The following PIP4P2 variants were observed in gnomAD, a reference collection of about 807,000 sequenced individuals.
The protein encoded by PIP4P2 is type 2 phosphatidylinositol 4,5-bisphosphate 4-phosphatase.
PIP4P2 carries 19 observed loss-of-function variants against 33.3 expected under a neutral mutation model. That is an observed-to-expected ratio of 0.57 (90% CI 0.40 to 0.84). PIP4P2 has a LOEUF of 0.84. PIP4P2 is among the 40% of genes least tolerant of loss of function. The probability of loss-of-function intolerance (pLI) is 0.00; values close to 1 mark genes in which losing one functional copy is unlikely to be tolerated. For synonymous variants in PIP4P2, 110 were observed against 111.9 expected (o/e 0.98, Z 0.11); for missense variants, 270 against 324.7 (o/e 0.83, Z 1.29).
intron 1 of PIP4P2, among the ~76,000 whole-genome samples, chr8:91,030,887 T>C (rs756496514): frequency 3.0e-4 from 45 of 152,220 alleles, no homozygotes; most frequent in Non-Finnish European, 5.1e-4. Flanking sequence ...ATTCTATGGA[T>C]ATGACATGGC....
chr8:91,027,766 T>G (rs1429279999), intron 1 of PIP4P2, among the ~76,000 whole-genome samples: 2 of 152,160 alleles, frequency 1.3e-5, no homozygotes, highest in East Asian at 3.9e-4. Context: ...TGCTAGAATA[T>G]CCCTAGAATA....
At chr8:91,023,431 A>C (rs138495192) in intron 1 of PIP4P2, among the ~76,000 whole-genome samples, 129 of 151,814 alleles carry the variant, frequency 8.5e-4, no homozygotes, top group African/African-American at 2.9e-3. Flanking sequence ...CAACCCATAC[A>C]CTCCTCAGCT....
intron 4 of PIP4P2, among the ~76,000 whole-genome samples, chr8:91,009,968 T>C (rs1811810564): frequency 6.6e-6 from 1 of 151,922 alleles, no homozygotes; most frequent in Non-Finnish European, 1.5e-5. Flanking sequence ...AAAATGATTA[T>C]TTTTAAACAT....
chr8:91,012,224 T>C lies in PIP4P2; in HGVS notation c.487-3429A>G, dbSNP rs897208717. ...TATGCATGACTTCAGGTTGTTTTTTTCTGCCCTAATTATTATTTTTCCTGA... is the reference window on the plus strand; with the variant it reads ...TATGCATGACTTCAGGTTGTTTTTTCCTGCCCTAATTATTATTTTTCCTGA... On this transcript the variant is annotated intron_variant, in intron 4 of 6. Coordinates refer to ENST00000285419, the MANE Select transcript of PIP4P2 (RefSeq NM_018710.3). Among the ~76,000 whole-genome samples the C allele has an allele frequency of 1.4e-4, 22 of 152,174 alleles. 2 individuals carry two copies. The highest frequency in any genetic ancestry group is 1.4e-3 in the Admixed American group (21 of 15,266).
intron 5 of PIP4P2, among the ~76,000 whole-genome samples, chr8:90,998,017 T>C (rs1324506953): frequency 6.6e-6 from 1 of 152,072 alleles, no homozygotes; most frequent in African/African-American, 2.4e-5. Flanking sequence ...ATTGTACAGC[T>C]TGCTATCTAG....
chr8:90,999,702 C>T (rs755050201), intron 5 of PIP4P2, among the ~76,000 whole-genome samples: 1 of 152,074 alleles, frequency 6.6e-6, no homozygotes, highest in African/African-American at 2.4e-5. Context: ...TTGATATTAA[C>T]ATTACATTTT....
At chr8:91,017,351 A>G (rs1811931638) in intron 4 of PIP4P2, among the ~76,000 whole-genome samples, 1 of 152,130 alleles carries the variant, frequency 6.6e-6, no homozygotes. Flanking sequence ...GTGAGCTGAG[A>G]TCACGCCACT....
intron 2 of PIP4P2, among the ~76,000 whole-genome samples, 192 bp downstream of exon 2, chr8:91,021,064 T>A (rs948064124): frequency 6.6e-6 from 1 of 152,218 alleles, no homozygotes. Flanking sequence ...TGAAATTCTC[T>A]TAATGGGGTT....
At chr8:91,039,709 G>T (rs1184205043) in intron 1 of PIP4P2, among the ~76,000 whole-genome samples, 2 of 151,996 alleles carry the variant, frequency 1.3e-5, no homozygotes, top group South Asian at 2.1e-4. Context: ...ACCTAAGTGG[G>T]TTTTTTTAAG....
At chr8:91,021,532 G>A in intron 1 of PIP4P2, 128 bp from the exon 2 acceptor site, 1 of 1,105,232 alleles carries the variant, frequency 9.0e-7, no homozygotes, top group East Asian at 2.5e-5. Flanking sequence ...ATTTTTCAAA[G>A]CTAGCCAATT....
intron 1 of PIP4P2, among the ~76,000 whole-genome samples, chr8:91,029,564 T>G (rs2130378074): frequency 6.6e-6 from 1 of 152,300 alleles, no homozygotes; most frequent in East Asian, 1.9e-4. Flanking sequence ...CAGGCTATCA[T>G]TCATTCATAC....
At chr8:91,036,901 T>C (rs892589485) in intron 1 of PIP4P2, among the ~76,000 whole-genome samples, 4 of 152,172 alleles carry the variant, frequency 2.6e-5, no homozygotes, top group African/African-American at 9.7e-5. Context: ...GCATCCAAGA[T>C]GGCATCTCCC....
intron 5 of PIP4P2, among the ~76,000 whole-genome samples, chr8:91,001,210 G>T (rs527987933): frequency 6.6e-6 from 1 of 151,934 alleles, no homozygotes; most frequent in East Asian, 1.9e-4. Flanking sequence ...TTATAAACAG[G>T]ATATTAACAT....
At chr8:91,019,926 T>C (rs921683937) in intron 3 of PIP4P2, among the ~76,000 whole-genome samples, 3 of 152,178 alleles carry the variant, frequency 2.0e-5, no homozygotes, top group African/African-American at 7.2e-5. Flanking sequence ...AGTACTTACA[T>C]AACACAAAGA....
At chr8:91,028,802 C>T (rs1812118515) in intron 1 of PIP4P2, among the ~76,000 whole-genome samples, 1 of 152,146 alleles carries the variant, frequency 6.6e-6, no homozygotes. Context: ...TGCTTATTAT[C>T]TAAATTTGAC....
chr8:90,997,508 C>A (rs759061907), intron 5 of PIP4P2, among the ~76,000 whole-genome samples: 5 of 152,038 alleles, frequency 3.3e-5, no homozygotes, highest in Non-Finnish European at 7.4e-5. Context: ...ATACATACTG[C>A]TAAAAGCCCT....
intron 6 of PIP4P2, 38 bp downstream of exon 6, chr8:90,996,616 G>A: frequency 6.5e-7 from 1 of 1,548,130 alleles, no homozygotes; most frequent in Non-Finnish European, 8.8e-7. Context: ...TGATAAAGTT[G>A]AGAGGACAGA....
At chr8:91,016,355 G>C (rs548704729) in intron 4 of PIP4P2, among the ~76,000 whole-genome samples, 21 of 152,076 alleles carry the variant, frequency 1.4e-4, no homozygotes, top group East Asian at 3.9e-4. Context: ...ATATCCAAAT[G>C]ATGAGTTCAA....
chr8:91,006,508 C>G (rs1189711772), intron 5 of PIP4P2, among the ~76,000 whole-genome samples: 1 of 152,160 alleles, frequency 6.6e-6, no homozygotes, highest in Non-Finnish European at 1.5e-5. Context: ...AATAATTAAC[C>G]AAGCAAGTCC....
Sources: allele counts gnomAD v4.1 joint callset (sites outside exome capture counted in the v4.1 genomes callset), GRCh38; gene constraint gnomAD v4.1.1; transcripts MANE v1.5; gene names NCBI Gene and HGNC (gene_info 2026-07-23, HGNC 2026-07-21).